The following PIK3R6 variants were observed in gnomAD, a reference collection of about 807,000 sequenced individuals.
The protein encoded by PIK3R6 is phosphoinositide 3-kinase regulatory subunit 6.
A neutral mutation model predicts 84.9 loss-of-function variants in PIK3R6; 91 were observed. The observed-to-expected ratio is 1.07, with a 90% CI of 0.90 to 1.28. The LOEUF (loss-of-function observed/expected upper bound fraction) is 1.28, where lower values mean the gene tolerates loss of function less well. Ranked by LOEUF, PIK3R6 falls within the 50% of genes most tolerant of loss-of-function variation. The probability of loss-of-function intolerance (pLI) is 0.00; values close to 1 mark genes in which losing one functional copy is unlikely to be tolerated. For synonymous variants in PIK3R6, 416 were observed against 411.4 expected (o/e 1.01, Z -0.13); for missense variants, 996 against 985.1 (o/e 1.01, Z -0.15).
intron 5 of PIK3R6, among the ~76,000 whole-genome samples, 170 bp downstream of exon 5, chr17:8,837,633 A>G (rs2088523745): frequency 6.6e-6 from 1 of 152,096 alleles, no homozygotes; most frequent in Non-Finnish European, 1.5e-5. Flanking sequence ...TTCTCTCTCC[A>G]TATGGGAGGG....
chr17:8,833,832 G>T (rs915236304), intron 8 of PIK3R6, among the ~76,000 whole-genome samples: 1 of 151,944 alleles, frequency 6.6e-6, no homozygotes, highest in Middle Eastern at 3.4e-3. Context: ...GAACCACCGC[G>T]CTTGGCCGAA....
Position 8,803,464 on chromosome 17 carries a change from T to C in PIK3R6, c.2109-35A>G, listed in dbSNP as rs757674650. The C allele has an allele frequency of 6.4e-7, 1 of 1,562,462 alleles. No individual in the cohort carries two copies. The highest frequency in any genetic ancestry group is 8.7e-7 in the Non-Finnish European group (1 of 1,155,596). Reference sequence around the variant, plus strand: ...GAGAGAGACCAGCTCAGGTGACCCATCTGAGGGATCAGATTGCCTAGGGCA... The same window carrying C: ...GAGAGAGACCAGCTCAGGTGACCCACCTGAGGGATCAGATTGCCTAGGGCA... On this transcript the variant is annotated intron_variant, in intron 19 of 19. Coordinates refer to ENST00000619866, the MANE Select transcript of PIK3R6 (RefSeq NM_001010855.4). This position sits in a 1 kb window ranked among gnomAD's most constrained non-coding sequence, Gnocchi z 5.0.
At chr17:8,824,770 T>A (rs1335412132) in intron 13 of PIK3R6, among the ~76,000 whole-genome samples, 1 of 152,182 alleles carries the variant, frequency 6.6e-6, no homozygotes, top group African/African-American at 2.4e-5. Context: ...GAAAAAGTAT[T>A]TTAATACCCA....
intron 16 of PIK3R6, among the ~76,000 whole-genome samples, chr17:8,822,200 T>C (rs990177194): frequency 6.6e-6 from 1 of 152,042 alleles, no homozygotes; most frequent in African/African-American, 2.4e-5. Context: ...CGGTTTTGTC[T>C]ATGTCACTAA....
chr17:8,817,198 TA>T (rs2151195364), intron 18 of PIK3R6, among the ~76,000 whole-genome samples: 1 of 152,356 alleles, frequency 6.6e-6, no homozygotes. Flanking sequence ...AGCTATCAAT[TA>T]TCTTAAAATA....
At position 8,803,748 on chromosome 17, in the gene PIK3R6, T is replaced by C. The variant is rs1235229286; in HGVS notation, c.2108+293A>G. The C allele has an allele frequency of 3.6e-6, 2 of 558,052 alleles. No homozygotes were observed. Among genetic ancestry groups the C allele is most frequent in the Non-Finnish European group, 6.4e-6 (2 of 312,942 alleles). 34.6% of individuals were successfully genotyped at this position (558,052 alleles called of 1,614,324 possible). A position where few individuals can be genotyped will look rare whatever the true frequency, so the allele number is the denominator to read the frequency against. On this transcript the variant is annotated intron_variant, in intron 19 of 19. Transcript: ENST00000619866. The surrounding 1 kb of genome is among the most constrained non-coding windows in gnomAD (Gnocchi z 5.0). The stretch of plus-strand genomic sequence containing the variant: ...GGTCAGCCTGTGTGGGAGGGGCCCG[T>C]GCCTGCAGAGGGGACTGGATCAGGA...
Position 8,828,883 on chromosome 17 carries a change from C to T in PIK3R6, c.997G>A (p.Val333Ile). 1 of 1,578,186 alleles carries T rather than the reference C, an allele frequency of 6.3e-7. No individual in the cohort carries two copies. Among genetic ancestry groups the T allele is most frequent in the Non-Finnish European group, 8.6e-7 (1 of 1,161,610 alleles). ...GLRPDRELAR[V>I]SVLSTDSGIE... is the part of the protein sequence containing the mutation. Reference sequence around the variant, plus strand: ...CCGCTGTCAGTGGACAGCACAGAAACCCGGGCCAACTCCCGGTCCGGCCGG... The same window carrying T: ...CCGCTGTCAGTGGACAGCACAGAAATCCGGGCCAACTCCCGGTCCGGCCGG... The change falls in exon 11 of 20, where the codon GTT becomes ATT. Residue 333 changes from valine (V) to isoleucine (I), a missense_variant. Coordinates refer to ENST00000619866, the MANE Select transcript of PIK3R6 (RefSeq NM_001010855.4).
chr17:8,851,900 A>C (rs2088979600), intron 1 of PIK3R6, among the ~76,000 whole-genome samples: 1 of 152,248 alleles, frequency 6.6e-6, no homozygotes, highest in Admixed American at 6.5e-5. Flanking sequence ...ACAGATAAAC[A>C]AAATATGATT....
intron 18 of PIK3R6, among the ~76,000 whole-genome samples, chr17:8,816,621 T>C (rs1385976281): frequency 6.6e-6 from 1 of 152,158 alleles, no homozygotes; most frequent in Non-Finnish European, 1.5e-5. Context: ...AATAGGATAT[T>C]AGTATGGGAT....
chr17:8,833,559 T>C (rs2088337486), intron 8 of PIK3R6, among the ~76,000 whole-genome samples: 1 of 150,702 alleles, frequency 6.6e-6, no homozygotes, highest in African/African-American at 2.4e-5. Flanking sequence ...TTTTTTTTTT[T>C]GAGACGGAGT....
At chr17:8,819,799 T>C (rs945042408) in intron 17 of PIK3R6, among the ~76,000 whole-genome samples, 4 of 146,878 alleles carry the variant, frequency 2.7e-5, no homozygotes, top group African/African-American at 7.5e-5. Context: ...TGTGTATATA[T>C]AGACACACAC....
At chr17:8,819,689 T>C (rs138116681) in intron 17 of PIK3R6, among the ~76,000 whole-genome samples, 13,387 of 135,696 alleles carry the variant, frequency 0.099, 832 homozygotes, top group Non-Finnish European at 0.14. Context: ...TATATATATA[T>C]ACACACACAC....
At position 8,822,934 on chromosome 17, in the gene PIK3R6, G is replaced by A. The variant is rs142633587; in HGVS notation, c.1717+62C>T. The A allele has an allele frequency of 3.0e-3, 4,092 of 1,344,954 alleles. 63 individuals are homozygous for A. The African/African-American group carries it at 0.032, about 11-fold the overall frequency. 83.3% of individuals were successfully genotyped at this position (1,344,954 alleles called of 1,614,324 possible). On this transcript the variant is annotated intron_variant, in intron 15 of 19. Transcript: ENST00000619866. Reference sequence around the variant, plus strand: ...AGGCATCATCAGGTGAGAGGTGGAAGGATGAGAGTTTGGAGAAGCTGAGTC... The same window carrying A: ...AGGCATCATCAGGTGAGAGGTGGAAAGATGAGAGTTTGGAGAAGCTGAGTC...
At chr17:8,832,842 G>GC (rs769812646) in intron 9 of PIK3R6, 47 bp downstream of exon 9, 1 of 1,610,134 alleles carries the variant, frequency 6.2e-7, no homozygotes, top group Non-Finnish European at 8.5e-7. Context: ...GCAGTGAGCT[G>GC]CCCCCGCGGG....
chr17:8,839,540 G>C lies in PIK3R6; in HGVS notation c.97+74C>G. The C allele has an allele frequency of 8.1e-7, 1 of 1,242,020 alleles. No individual in the cohort carries two copies. The highest frequency in any genetic ancestry group is 1.1e-6 in the Non-Finnish European group (1 of 882,228). 76.9% of individuals were successfully genotyped at this position (1,242,020 alleles called of 1,614,324 possible). On this transcript the variant is annotated intron_variant, in intron 3 of 19. Transcript: ENST00000619866. The surrounding 1 kb of genome is among the most constrained non-coding windows in gnomAD (Gnocchi z 4.2). ...GAGCTCCAGGCCGGGGCTCTTTCCT[G>C]TATGCGCGTGTATTGTTGGCTGGGG...
intron 18 of PIK3R6, among the ~76,000 whole-genome samples, chr17:8,805,056 A>T (rs1237592640): frequency 6.6e-6 from 1 of 152,168 alleles, no homozygotes; most frequent in South Asian, 2.1e-4. Context: ...AGGAGTTCAC[A>T]CGTGTCCAGG....
At chr17:8,848,618 A>G (rs2088867103) in intron 2 of PIK3R6, among the ~76,000 whole-genome samples, 1 of 151,550 alleles carries the variant, frequency 6.6e-6, no homozygotes, top group Non-Finnish European at 1.5e-5. Flanking sequence ...CTCTTATGGG[A>G]CCGCTGCTGT....
intron 18 of PIK3R6, among the ~76,000 whole-genome samples, chr17:8,817,962 T>C (rs1359906965): frequency 4.0e-5 from 6 of 149,820 alleles, no homozygotes; most frequent in Non-Finnish European, 7.4e-5. Flanking sequence ...CCTGAGCATG[T>C]GTAGGCTAAG....
At position 8,839,991 on chromosome 17, in the gene PIK3R6, T is replaced by C. The variant is rs2088617811; in HGVS notation, c.14-294A>G. On this transcript the variant is annotated intron_variant, in intron 2 of 19. Transcript: ENST00000619866. This position sits in a 1 kb window ranked among gnomAD's most constrained non-coding sequence, Gnocchi z 4.2. ...AACGACCTTAAAATCTGAATAGTTA[T>C]GCATTTATTTTAATGCATGTTAGAA... Among the ~76,000 whole-genome samples the C allele has an allele frequency of 6.6e-6, 1 of 152,152 alleles. No homozygotes were observed. The highest frequency in any genetic ancestry group is 1.5e-5 in the Non-Finnish European group (1 of 68,028).
Sources: allele counts gnomAD v4.1 joint callset (sites outside exome capture counted in the v4.1 genomes callset), GRCh38; gene constraint gnomAD v4.1.1; non-coding constraint Gnocchi (gnomAD v3.1); transcripts MANE v1.5; gene names NCBI Gene and HGNC (gene_info 2026-07-23, HGNC 2026-07-21).